The following ADAMTS16 variants were observed in gnomAD, a reference collection of about 807,000 sequenced individuals.
The protein encoded by ADAMTS16 is A disintegrin and metalloproteinase with thrombospondin motifs 16.
In ADAMTS16, 94 loss-of-function variants were observed where a neutral mutation model predicts 145.8. That is an observed-to-expected ratio of 0.64 (90% confidence interval 0.55 to 0.77). ADAMTS16 has a LOEUF of 0.77. Among genes scored for constraint, ADAMTS16 ranks in the 30% least tolerant of loss-of-function variants. ADAMTS16 has a pLI of 0.00. For synonymous variants in ADAMTS16, 659 were observed against 604.3 expected (o/e 1.09, Z -1.33); for missense variants, 1,585 against 1,591.5 (o/e 1.00, Z 0.07).
In ADAMTS16 at chr5:5,305,455, CCA is replaced by C. The variant is rs1261021968; in HGVS notation, c.3187-1036_3187-1035del. On this transcript the variant is annotated intron_variant, in intron 20 of 22. Coordinates refer to ENST00000274181, the MANE Select transcript of ADAMTS16 (RefSeq NM_139056.4). ...CCCACACCACACACACACATCCACA[CCA>C]CACACACACACATCCCACACCACAC... 3.8e-4 allele frequency among the ~76,000 whole-genome samples: 33 copies of C among 87,656 alleles called. 4 individuals are homozygous for C. The highest frequency in any genetic ancestry group is 4.3e-4 in the Non-Finnish European group (18 of 42,198). The allele number at this position is 87,656 out of a possible 152,430, so 57.5% of individuals were successfully genotyped here.
intron 4 of ADAMTS16, among the ~76,000 whole-genome samples, chr5:5,183,660 G>A (rs1314127549): frequency 6.6e-6 from 1 of 152,214 alleles, no homozygotes; most frequent in Non-Finnish European, 1.5e-5. Flanking sequence ...CCTCTCTGAA[G>A]GTGGTCGCCA....
intron 18 of ADAMTS16, among the ~76,000 whole-genome samples, chr5:5,283,091 C>G (rs1738981894): frequency 6.6e-6 from 1 of 151,918 alleles, no homozygotes; most frequent in Non-Finnish European, 1.5e-5. Context: ...ATAATTTTGG[C>G]TTCCCTCTCT....
At chr5:5,155,971 G>A (rs1734590692) in intron 3 of ADAMTS16, among the ~76,000 whole-genome samples, 1 of 152,132 alleles carries the variant, frequency 6.6e-6, no homozygotes, top group South Asian at 2.1e-4. Flanking sequence ...AGTCCACTGG[G>A]GCTAAACAGG....
At chr5:5,222,964 G>A in intron 11 of ADAMTS16, 80 bp downstream of exon 11, 1 of 1,268,196 alleles carries the variant, frequency 7.9e-7, no homozygotes, top group Non-Finnish European at 1.1e-6. Context: ...TCTTGCATAG[G>A]TATTTTTAAA....
chr5:5,175,529 C>T (rs2126549464), intron 3 of ADAMTS16, among the ~76,000 whole-genome samples: 1 of 152,256 alleles, frequency 6.6e-6, no homozygotes, highest in South Asian at 2.1e-4. Context: ...CATTAAGTTG[C>T]ATGCCCCCAA....
At chr5:5,170,678 C>G (rs1735020239) in intron 3 of ADAMTS16, among the ~76,000 whole-genome samples, 1 of 152,046 alleles carries the variant, frequency 6.6e-6, no homozygotes, top group Non-Finnish European at 1.5e-5. Flanking sequence ...ACACCCAGCT[C>G]TTTTGCCCAT....
chr5:5,158,078 C>G (rs1431479487), intron 3 of ADAMTS16, among the ~76,000 whole-genome samples: 1 of 152,212 alleles, frequency 6.6e-6, no homozygotes, highest in Non-Finnish European at 1.5e-5. Context: ...AGTAATATCA[C>G]ACTGTTTCAC....
chr5:5,281,320 T>C (rs1417383478), intron 18 of ADAMTS16, among the ~76,000 whole-genome samples: 1 of 152,224 alleles, frequency 6.6e-6, no homozygotes, highest in East Asian at 1.9e-4. Context: ...AAAAGGTTTT[T>C]AAAACTTTTG....
At position 5,319,131 on chromosome 5, in the gene ADAMTS16, A is replaced by G. The variant is rs374086465; in HGVS notation, c.3668A>G (p.Asn1223Ser). 5 of 1,609,644 alleles carry G rather than the reference A, an allele frequency of 3.1e-6. No homozygotes were observed. The highest frequency in any genetic ancestry group is 1.3e-5 in the African/African-American group (1 of 74,884). The change falls in exon 23 of 23, where the codon AAC becomes AGC. Residue 1223 changes from asparagine (N) to serine (S), a missense_variant. Around this residue, in one of 3 missense-constraint regions of ADAMTS16, gnomAD observed 834 missense variants for 811.7 expected, o/e 1.03. Transcript: ENST00000274181. ...TGCTGCAAGACTTGCTCTAAGTCCA[A>G]CTTGTGAGTTGGGACCGCTCTCCGT... is the stretch of plus-strand genomic sequence containing the variant. ...KQCCKTCSKS[N>S]L
At chr5:5,245,072 T>A (rs11134099) in intron 17 of ADAMTS16, among the ~76,000 whole-genome samples, 67,967 of 152,100 alleles carry the variant, frequency 0.45, 15,571 homozygotes, top group Middle Eastern at 0.6. Flanking sequence ...TAAGCACTTT[T>A]TCAGAATTTA....
In ADAMTS16 at chr5:5,157,794, G is replaced by A. The variant is rs189096192; in HGVS notation, c.501+11339G>A. ...TTCAATGTGTTAAACCCCTCTTTACGTCCACAGTTGTTGAGAACTTTTTCA... is the reference window on the plus strand; with the variant it reads ...TTCAATGTGTTAAACCCCTCTTTACATCCACAGTTGTTGAGAACTTTTTCA... On this transcript the variant is annotated intron_variant, in intron 3 of 22. Coordinates refer to ENST00000274181, the MANE Select transcript of ADAMTS16 (RefSeq NM_139056.4). Among the ~76,000 whole-genome samples, 58 of 152,186 alleles carry A rather than the reference G, an allele frequency of 3.8e-4. No homozygotes were observed. The East Asian group carries it at 5.6e-3, about 15-fold the overall frequency.
chr5:5,290,092 C>T (rs914998276), intron 18 of ADAMTS16, among the ~76,000 whole-genome samples: 4 of 152,170 alleles, frequency 2.6e-5, no homozygotes, highest in Non-Finnish European at 5.9e-5. Flanking sequence ...ATCTTCTCAG[C>T]GATTTAGGAA....
intron 10 of ADAMTS16, among the ~76,000 whole-genome samples, chr5:5,218,020 G>T (rs1469769820): frequency 6.6e-6 from 1 of 152,112 alleles, no homozygotes; most frequent in Non-Finnish European, 1.5e-5. Context: ...CATTCCAACT[G>T]CCTGGACTCT....
chr5:5,276,769 G>C (rs941193014), intron 18 of ADAMTS16, among the ~76,000 whole-genome samples: 1 of 152,032 alleles, frequency 6.6e-6, no homozygotes, highest in African/African-American at 2.4e-5. Context: ...ACAGGACCCA[G>C]CACAACTGGC....
intron 3 of ADAMTS16, among the ~76,000 whole-genome samples, chr5:5,170,696 T>A (rs1339972693): frequency 6.7e-6 from 1 of 148,278 alleles, no homozygotes; most frequent in East Asian, 1.9e-4. Flanking sequence ...CATTGCTAAA[T>A]CAAATTCTTA....
rs772326555 is a variant in ADAMTS16 at position 5,187,707 on chromosome 5, A to T, written c.964-18A>T. On this transcript the variant is annotated intron_variant, in intron 5 of 22. Transcript: ENST00000274181. ...AATGCCATTTATGGGGCTGACATGG[A>T]TTTCCTGTCTTTTTCAGGTATCTGC... The T allele has an allele frequency of 6.3e-7, 1 of 1,585,406 alleles. No individual in the cohort carries two copies. Among genetic ancestry groups the T allele is most frequent in the South Asian group, 1.1e-5 (1 of 90,054 alleles).
chr5:5,221,929 T>C (rs1331428539), intron 10 of ADAMTS16, among the ~76,000 whole-genome samples: 1 of 152,226 alleles, frequency 6.6e-6, no homozygotes, highest in Non-Finnish European at 1.5e-5. Context: ...CTTGGGGGAA[T>C]AATGCAGCAC....
At chr5:5,282,958 A>T (rs1001975757) in intron 18 of ADAMTS16, among the ~76,000 whole-genome samples, 1 of 151,818 alleles carries the variant, frequency 6.6e-6, no homozygotes, top group African/African-American at 2.4e-5. Flanking sequence ...ATAAAATTTT[A>T]TATTTTATTT....
At chr5:5,225,740 A>T (rs1736742074) in intron 11 of ADAMTS16, among the ~76,000 whole-genome samples, 1 of 152,184 alleles carries the variant, frequency 6.6e-6, no homozygotes, top group African/African-American at 2.4e-5. Flanking sequence ...TGAGTGGAGG[A>T]TTGAAGATTC....
Sources: allele counts gnomAD v4.1 joint callset (sites outside exome capture counted in the v4.1 genomes callset), GRCh38; gene constraint gnomAD v4.1.1; regional missense constraint gnomAD v4.1.1; transcripts MANE v1.5; gene names NCBI Gene and HGNC (gene_info 2026-07-23, HGNC 2026-07-21).